CORO1C: variants seen among roughly 807,000 people sequenced by gnomAD.
CORO1C encodes coronin-1C.
In CORO1C, 14 loss-of-function variants were observed where a neutral mutation model predicts 51.2. The ratio of observed to expected loss-of-function variants is 0.27; its 90% confidence interval spans 0.18 to 0.43. CORO1C has a LOEUF of 0.43. CORO1C is among the 20% of genes least tolerant of loss of function. The probability of loss-of-function intolerance (pLI) is 1.00; values close to 1 mark genes in which losing one functional copy is unlikely to be tolerated. For missense variants in CORO1C, 417 were observed against 607.8 expected (o/e 0.69, Z 3.30); for synonymous variants, 181 against 210.5 (o/e 0.86, Z 1.21).
At chr12:108,661,967 C>G (rs533125274) in intron 4 of CORO1C, 62 bp downstream of exon 4, 1 of 1,595,816 alleles carries the variant, frequency 6.3e-7, no homozygotes, top group South Asian at 1.1e-5. Context: ...CATTTGCTTC[C>G]CCCCACTCAG....
chr12:108,707,757 A>G (rs2035067730), intron 1 of CORO1C, among the ~76,000 whole-genome samples: 1 of 152,242 alleles, frequency 6.6e-6, no homozygotes, highest in South Asian at 2.1e-4. Flanking sequence ...TTGTATCTAG[A>G]GTATAAAAAG....
chr12:108,679,018 G>A (rs1298130556), intron 2 of CORO1C, among the ~76,000 whole-genome samples: 1 of 149,462 alleles, frequency 6.7e-6, no homozygotes, highest in Non-Finnish European at 1.5e-5. Flanking sequence ...GGCTGAGGCA[G>A]GAGTATCGCT....
chr12:108,648,482 C>T (rs2032481007), intron 10 of CORO1C, 123 bp downstream of exon 10: 1 of 1,336,528 alleles, frequency 7.5e-7, no homozygotes, highest in Admixed American at 2.0e-5. Context: ...CCCACTTTTT[C>T]ATTTACTGAA....
At chr12:108,723,453 CT>C (rs1345113690) in intron 1 of CORO1C, among the ~76,000 whole-genome samples, 1 of 152,220 alleles carries the variant, frequency 6.6e-6, no homozygotes, top group African/African-American at 2.4e-5. Flanking sequence ...TCATGCACCC[CT>C]ATGATATCAA....
At chr12:108,684,509 G>A (rs1270789798) in intron 2 of CORO1C, among the ~76,000 whole-genome samples, 1 of 152,052 alleles carries the variant, frequency 6.6e-6, no homozygotes, top group East Asian at 1.9e-4. Flanking sequence ...AAAAGCAGAA[G>A]CAATTTCACT....
At chr12:108,698,388 A>G (rs1214360248) in intron 2 of CORO1C, among the ~76,000 whole-genome samples, 1 of 152,270 alleles carries the variant, frequency 6.6e-6, no homozygotes, top group Non-Finnish European at 1.5e-5. Flanking sequence ...GACATGATCT[A>G]GAATTTCCAA....
intron 4 of CORO1C, 82 bp from the exon 5 acceptor site, chr12:108,659,001 A>G: frequency 2.1e-6 from 3 of 1,409,394 alleles, no homozygotes; most frequent in Non-Finnish European, 2.9e-6. Flanking sequence ...TACAGTGAGA[A>G]TACACATATG....
intron 1 of CORO1C, among the ~76,000 whole-genome samples, chr12:108,714,118 C>T (rs1192519514): frequency 1.3e-5 from 2 of 152,148 alleles, no homozygotes; most frequent in African/African-American, 2.4e-5. Context: ...GGGCCGGGCA[C>T]AGTGGCTCAC....
intron 1 of CORO1C, among the ~76,000 whole-genome samples, chr12:108,727,160 G>C (rs2035613033): frequency 6.6e-6 from 1 of 152,220 alleles, no homozygotes; most frequent in Non-Finnish European, 1.5e-5. Flanking sequence ...CATGTGAATT[G>C]CTCTATTGCA....
At chr12:108,714,517 A>G (rs891041203) in intron 1 of CORO1C, among the ~76,000 whole-genome samples, 2 of 151,834 alleles carry the variant, frequency 1.3e-5, no homozygotes, top group Admixed American at 1.3e-4. Context: ...GGTGGTTCAC[A>G]CCTGTATTCC....
chr12:108,679,109 C>CAAAAAAAAAAAAAAAAAAAAAAA (rs1183326267), intron 2 of CORO1C, among the ~76,000 whole-genome samples: 1 of 22,158 alleles, frequency 4.5e-5, no homozygotes, highest in Non-Finnish European at 9.7e-5. Flanking sequence ...GACTCTGTCT[C>CAAAAAAAAAAAAAAAAAAAAAAA]AAAAAAAAAA....
chr12:108,716,127 CAAAAAAAAAAAAAAAAA>C (rs61278729), intron 1 of CORO1C, among the ~76,000 whole-genome samples: 6 of 41,070 alleles, frequency 1.5e-4, no homozygotes, highest in Admixed American at 4.8e-4. Flanking sequence ...GACTCTGTCG[CAAAAAAAAAAAAAAAAA>C]AAAAAAAAAA....
intron 3 of CORO1C, among the ~76,000 whole-genome samples, chr12:108,671,872 C>G (rs896709881): frequency 6.6e-6 from 1 of 152,130 alleles, no homozygotes; most frequent in African/African-American, 2.4e-5. Flanking sequence ...AAGAGGTCCT[C>G]CCACCTCAGG....
intron 2 of CORO1C, among the ~76,000 whole-genome samples, chr12:108,689,648 C>A (rs1353637193): frequency 6.6e-6 from 1 of 152,180 alleles, no homozygotes; most frequent in Non-Finnish European, 1.5e-5. Flanking sequence ...CCTAAGAGCC[C>A]CCACCCCATC....
At chr12:108,679,316 T>C (rs771118601) in intron 2 of CORO1C, among the ~76,000 whole-genome samples, 48 of 152,088 alleles carry the variant, frequency 3.2e-4, no homozygotes, top group Non-Finnish European at 6.8e-4. Flanking sequence ...CCTCACCCAT[T>C]AGCCAGTTCC....
At chr12:108,674,122 T>C (rs566685244) in intron 3 of CORO1C, among the ~76,000 whole-genome samples, 27 of 152,238 alleles carry the variant, frequency 1.8e-4, no homozygotes, top group African/African-American at 6.3e-4. Flanking sequence ...GAGATTAACG[T>C]TGTTTTCACC....
chr12:108,673,736 C>T (rs930623405), intron 3 of CORO1C, among the ~76,000 whole-genome samples: 1 of 152,036 alleles, frequency 6.6e-6, no homozygotes, highest in Non-Finnish European at 1.5e-5. Context: ...TCCTAGGGCC[C>T]TTAAGAATTA....
chr12:108,677,368 T>A (rs2033945234), intron 3 of CORO1C, among the ~76,000 whole-genome samples: 2 of 152,218 alleles, frequency 1.3e-5, no homozygotes. Context: ...CATAACCTAC[T>A]TTTGGAAACT....
intron 3 of CORO1C, among the ~76,000 whole-genome samples, chr12:108,663,454 T>G (rs1288837469): frequency 6.6e-6 from 1 of 152,236 alleles, no homozygotes; most frequent in East Asian, 1.9e-4. Context: ...GATAAATGGC[T>G]GAACAAAATG....
Sources: allele counts gnomAD v4.1 joint callset (sites outside exome capture counted in the v4.1 genomes callset), GRCh38; gene constraint gnomAD v4.1.1; transcripts MANE v1.5; gene names NCBI Gene and HGNC (gene_info 2026-07-23, HGNC 2026-07-21).